Variants in NKX2-2 observed in about 807,000 individuals in gnomAD.
NKX2-2 encodes the protein NK2 homeobox 2.
In NKX2-2, 8 loss-of-function variants were observed where a neutral mutation model predicts 24.6. That is an observed-to-expected ratio of 0.32 (90% CI 0.19 to 0.59). NKX2-2 has a LOEUF of 0.59. Ranked by LOEUF, NKX2-2 falls within the 20% of genes least tolerant of loss-of-function variation. The probability of loss-of-function intolerance (pLI) is 0.86; values close to 1 mark genes in which losing one functional copy is unlikely to be tolerated. For synonymous variants in NKX2-2, 217 were observed against 173.3 expected (o/e 1.25, Z -1.98); for missense variants, 381 against 373.9 (o/e 1.02, Z -0.16).
chr20:21,512,339 A>T lies in NKX2-2; in HGVS notation c.406T>A (p.Ser136Thr). ...GKKRKRRVLFSKAQTYELERR... is the reference protein window; with the variant it reads ...GKKRKRRVLFTKAQTYELERR... The stretch of plus-strand genomic sequence containing the variant: ...TCCAGCTCGTAGGTCTGCGCCTTGG[A>T]GAAAAGCACTCGCCGCTTTCGCTTC... The change falls in exon 2 of 2, where the codon TCC becomes ACC. Residue 136 changes from serine (S) to threonine (T), a missense_variant. Transcript: ENST00000377142. 1 of 1,612,722 alleles carries T rather than the reference A, an allele frequency of 6.2e-7. No homozygotes were observed. The highest frequency in any genetic ancestry group is 8.5e-7 in the Non-Finnish European group (1 of 1,179,618).
At chr20:21,520,006 T>G in the NKX2-2 span, among the ~76,000 whole-genome samples, 1 of 150,024 alleles carries the variant, frequency 6.7e-6, no homozygotes, top group Admixed American at 6.6e-5. Context: ...TAAGGTGAGT[T>G]TTTTTTTTTC....
At chr20:21,521,542 C>G in the NKX2-2 span, among the ~76,000 whole-genome samples, 1 of 152,244 alleles carries the variant, frequency 6.6e-6, no homozygotes, top group Non-Finnish European at 1.5e-5. Flanking sequence ...ACCACTTGCC[C>G]TCGTGCTCAT....
At chr20:21,512,556 C>T (rs917132619) in intron 1 of NKX2-2, 71 bp from the exon 2 acceptor site, 36 of 1,192,348 alleles carry the variant, frequency 3.0e-5, no homozygotes, top group Non-Finnish European at 4.0e-5. Context: ...AGACTCGGAG[C>T]ACCCTGGATC....
At chr20:21,520,724 G>T in the NKX2-2 span, among the ~76,000 whole-genome samples, 1 of 152,006 alleles carries the variant, frequency 6.6e-6, no homozygotes, top group African/African-American at 2.4e-5. Flanking sequence ...GGAACCAAAC[G>T]CCACGTCCCC....
the NKX2-2 span, among the ~76,000 whole-genome samples, chr20:21,522,217 T>G: frequency 1.3e-5 from 2 of 152,216 alleles, no homozygotes; most frequent in East Asian, 3.9e-4. Flanking sequence ...GCCCACCTGC[T>G]GCGTCCGGAC....
Position 21,511,954 on chromosome 20 carries a change from G to T in NKX2-2, c.791C>A (p.Pro264His). 6.2e-7 allele frequency: 1 copy of T among 1,604,170 alleles called. No homozygotes were observed. Among genetic ancestry groups the T allele is most frequent in the Non-Finnish European group, 8.5e-7 (1 of 1,176,200 alleles). Reference sequence around the variant, plus strand: ...AGTCCACTGCTGGGCCTGGACCAGGGGGTGTGCTGTCGGGTACTGGGGGGT... The same window carrying T: ...AGTCCACTGCTGGGCCTGGACCAGGTGGTGTGCTGTCGGGTACTGGGGGGT... ...ASTPQYPTAH[P>H]LVQAQQWTW The change falls in exon 2 of 2, where the codon CCC (proline) becomes CAC (histidine). Residue 264 changes from proline to histidine, a missense_variant. Around this residue, in one of 3 missense-constraint regions of NKX2-2, gnomAD observed 139 missense variants for 121.7 expected, o/e 1.14. Coordinates refer to ENST00000377142, the MANE Select transcript of NKX2-2 (RefSeq NM_002509.4).
upstream of NKX2-2, among the ~76,000 whole-genome samples, chr20:21,516,993 C>T (rs921758494): frequency 1.3e-5 from 2 of 152,216 alleles, no homozygotes; most frequent in Non-Finnish European, 2.9e-5. Context: ...CCCCTCCCCT[C>T]ACCCGTGGGA....
In NKX2-2 at chr20:21,513,692, G is replaced by T. The variant is rs1980526326; in HGVS notation, c.-23C>A. On this transcript the variant is annotated 5_prime_UTR_variant, in exon 1 of 2. Transcript: ENST00000377142. The surrounding 1 kb of genome is among the most constrained non-coding windows in gnomAD (Gnocchi z 4.6). ...CATGGTTCGAGACCCCAAAATTTAT[G>T]TCGCAAAGTTGTAGCTTCACTTGGT... The T allele has an allele frequency of 6.9e-7, 1 of 1,458,730 alleles. No homozygotes were observed. Among genetic ancestry groups the T allele is most frequent in the African/African-American group, 1.5e-5 (1 of 67,418 alleles). The allele number at this position is 1,458,730 out of a possible 1,614,324, so 90.4% of individuals were successfully genotyped here. A position where few individuals can be genotyped will look rare whatever the true frequency, so the allele number is the denominator to read the frequency against.
the NKX2-2 span, among the ~76,000 whole-genome samples, chr20:21,520,519 A>T: frequency 3.9e-5 from 6 of 152,242 alleles, no homozygotes; most frequent in Admixed American, 2.0e-4. Flanking sequence ...ATCTTTAAAA[A>T]TGCATCCAAT....
chr20:21,521,842 C>A, the NKX2-2 span, among the ~76,000 whole-genome samples: 2 of 152,210 alleles, frequency 1.3e-5, no homozygotes, highest in East Asian at 3.9e-4. Flanking sequence ...CGGCGACAGC[C>A]CCGCCGCATT....
In NKX2-2 at chr20:21,513,027, G is replaced by A. The variant is rs1271107300; in HGVS notation, c.259+384C>T. On this transcript the variant is annotated intron_variant, in intron 1 of 1. Transcript: ENST00000377142. The surrounding 1 kb of genome is among the most constrained non-coding windows in gnomAD (Gnocchi z 4.6). ...CCCGAAGCCTCCCCACCCTCCACCC[G>A]TACCCGGACGAGGCTCGCTGGCTAC... Among the ~76,000 whole-genome samples, 1 of 152,110 alleles carries A rather than the reference G, an allele frequency of 6.6e-6. No homozygotes were observed. The highest frequency in any genetic ancestry group is 1.9e-4 in the East Asian group (1 of 5,156).
At chr20:21,517,758 T>G (rs1980677987), upstream of NKX2-2, among the ~76,000 whole-genome samples, 1 of 152,116 alleles carries the variant, frequency 6.6e-6, no homozygotes, top group South Asian at 2.1e-4. Flanking sequence ...CTGTCCCAAT[T>G]AAACAGGTGA....
rs746497217 is a variant in NKX2-2 at position 21,512,478 on chromosome 20, A to G, written c.267T>C (p.Gly89=). The G allele has an allele frequency of 2.6e-5, 41 of 1,567,760 alleles. 1 individual carries two copies. The South Asian group carries it at 4.5e-4, about 17-fold the overall frequency. ...STEGLQYSLH[G]LAAGAPPQDS... ...CCTGAGGGGGCGCCCCGGCAGCCAG[A>G]CCGTGCACTGGGGGGAGGGGGAGAG... Residue 89 remains glycine (G), a synonymous_variant, in exon 2 of 2, where the codon GGT becomes GGC. Transcript: ENST00000377142.
Position 21,512,421 on chromosome 20 carries a change from G to C in NKX2-2, c.324C>G (p.Ala108=), listed in dbSNP as rs1010064880. 12 of 1,594,272 alleles carry C rather than the reference G, an allele frequency of 7.5e-6. No homozygotes were observed. Among genetic ancestry groups the C allele is most frequent in the African/African-American group, 1.3e-5 (1 of 74,958 alleles). Residue 108 remains alanine, a synonymous_variant, in exon 2 of 2, where the codon GCC becomes GCG. Transcript: ENST00000377142. ...DSSSKSPEPS[A]DESPDNDKET... ...CCTTGTCATTGTCCGGTGACTCGTCGGCCGAGGGCTCCGGGGACTTGGAGC... is the reference window on the plus strand; with the variant it reads ...CCTTGTCATTGTCCGGTGACTCGTCCGCCGAGGGCTCCGGGGACTTGGAGC...
At chr20:21,512,557 A>T in intron 1 of NKX2-2, 72 bp from the exon 2 acceptor site, 1 of 1,194,906 alleles carries the variant, frequency 8.4e-7, no homozygotes, top group Non-Finnish European at 1.1e-6. Flanking sequence ...GACTCGGAGC[A>T]CCCTGGATCC....
the NKX2-2 span, among the ~76,000 whole-genome samples, chr20:21,521,199 A>C: frequency 6.6e-6 from 1 of 152,014 alleles, no homozygotes; most frequent in Non-Finnish European, 1.5e-5. Flanking sequence ...AGAGGTTCAC[A>C]ACCTTCCCCT....
chr20:21,522,620 C>G, the NKX2-2 span, among the ~76,000 whole-genome samples: 18 of 151,860 alleles, frequency 1.2e-4, no homozygotes, highest in African/African-American at 4.3e-4. Flanking sequence ...AGGTCCCGGC[C>G]GCTCTTTATC....
rs953972407 is a variant in NKX2-2 at position 21,511,454 on chromosome 20, A to G, written c.*469T>C. ...CATTTTCTTATTTTTTTTTAAAAAAAGGAAGAAATTCTCTGTATTTTTAAA... is the reference window on the plus strand; with the variant it reads ...CATTTTCTTATTTTTTTTTAAAAAAGGGAAGAAATTCTCTGTATTTTTAAA... On this transcript the variant is annotated 3_prime_UTR_variant, in exon 2 of 2. Coordinates refer to ENST00000377142, the MANE Select transcript of NKX2-2 (RefSeq NM_002509.4). 1.3e-5 allele frequency: 2 copies of G among 153,060 alleles called. No individual in the cohort carries two copies. The highest frequency in any genetic ancestry group is 4.8e-5 in the African/African-American group (2 of 41,450). 9.5% of individuals were successfully genotyped at this position (153,060 alleles called of 1,614,324 possible). A position where few individuals can be genotyped will look rare whatever the true frequency, so the allele number is the denominator to read the frequency against.
chr20:21,521,578 T>A, the NKX2-2 span, among the ~76,000 whole-genome samples: 2 of 152,148 alleles, frequency 1.3e-5, no homozygotes, highest in East Asian at 1.9e-4. Context: ...ACGTCCCAGT[T>A]CCGTCTGAGG....
Sources: gnomAD v4.1 joint callset for allele counts (sites outside exome capture counted in the v4.1 genomes callset) on GRCh38, gnomAD v4.1.1 for gene constraint, gnomAD v4.1.1 regional missense constraint, Gnocchi (gnomAD v3.1) non-coding constraint, MANE v1.5 for transcripts, NCBI Gene and HGNC (gene_info 2026-07-23, HGNC 2026-07-21) for gene names.